Variants in PTK2B observed in about 807,000 individuals in gnomAD.
PTK2B encodes protein-tyrosine kinase 2-beta.
PTK2B carries 71 observed loss-of-function variants against 142.9 expected under a neutral mutation model. The ratio of observed to expected loss-of-function variants is 0.50; its 90% CI spans 0.41 to 0.61. PTK2B has a LOEUF of 0.61. PTK2B is among the 20% of genes least tolerant of loss of function. PTK2B has a pLI of 0.00. For missense variants in PTK2B, 1,105 were observed against 1,320.4 expected, an observed-to-expected ratio of 0.84 and a Z score of 2.53; for synonymous variants, 519 against 503.4, an observed-to-expected ratio of 1.03 and a Z score of -0.42.
At chr8:27,454,115 C>T in intron 28 of PTK2B, 39 bp from the exon 29 acceptor site, 1 of 1,612,670 alleles carries the variant, frequency 6.2e-7, no homozygotes, top group Non-Finnish European at 8.5e-7. Flanking sequence ...GTGCCCCTGG[C>T]TCTCCCCAAC....
chr8:27,316,291 T>C (rs1803092519), intron 3 of PTK2B, among the ~76,000 whole-genome samples: 1 of 148,094 alleles, frequency 6.8e-6, no homozygotes, highest in Non-Finnish European at 1.5e-5. Context: ...GGAAATTGCC[T>C]TGTTTTTTTT....
rs115088560 is a variant in PTK2B at position 27,400,878 on chromosome 8, G to A, written c.204+3090G>A. 1.7e-3 allele frequency among the ~76,000 whole-genome samples: 255 copies of A among 152,316 alleles called. 1 individual carries two copies. Among genetic ancestry groups the A allele is most frequent in the African/African-American group, 5.8e-3 (242 of 41,566 alleles). On this transcript the variant is annotated intron_variant, in intron 2 of 30. Transcript: ENST00000346049. ...TATGCAATGGATGCCATGCAAATGG[G>A]TAGGCTTACCCACAAGGAATGAGTA...
At chr8:27,417,608 TAAA>T (rs973356482) in intron 2 of PTK2B, among the ~76,000 whole-genome samples, 1 of 152,064 alleles carries the variant, frequency 6.6e-6, no homozygotes, top group Non-Finnish European at 1.5e-5. Flanking sequence ...AGAAGAACTG[TAAA>T]AAAATAATAG....
chr8:27,320,352 G>A (rs1803184166), intron 3 of PTK2B, among the ~76,000 whole-genome samples: 1 of 152,094 alleles, frequency 6.6e-6, no homozygotes, highest in Non-Finnish European at 1.5e-5. Flanking sequence ...GCTCAATTCA[G>A]ACACTATCTA....
At chr8:27,457,996 AAAG>A (rs199931428) in intron 30 of PTK2B, among the ~76,000 whole-genome samples, 4,585 of 145,354 alleles carry the variant, frequency 0.032, 189 homozygotes, top group African/African-American at 0.08. Context: ...AAAAAAAAAA[AAAG>A]ATCAGATTCG....
chr8:27,320,095 G>C (rs1193349961), intron 3 of PTK2B, among the ~76,000 whole-genome samples: 1 of 152,110 alleles, frequency 6.6e-6, no homozygotes, highest in Non-Finnish European at 1.5e-5. Flanking sequence ...TTGTAGTGGG[G>C]AGGAGTCTGG....
At chr8:27,453,348 A>G (rs2132503754) in intron 28 of PTK2B, among the ~76,000 whole-genome samples, 188 bp downstream of exon 28, 1 of 152,312 alleles carries the variant, frequency 6.6e-6, no homozygotes, top group South Asian at 2.1e-4. Context: ...CTAATTCATG[A>G]AAAAGCAAGA....
At position 27,420,759 on chromosome 8, in the gene PTK2B, A is replaced by T; in HGVS notation, c.471+15A>T. 1 of 1,594,984 alleles carries T rather than the reference A, an allele frequency of 6.3e-7. No individual in the cohort carries two copies. Among genetic ancestry groups the T allele is most frequent in the Non-Finnish European group, 8.6e-7 (1 of 1,163,126 alleles). Reference sequence around the variant, plus strand: ...TTTACCAACAGGTAAAAAGTACTTTATCTTCTTGCCCCGAGGCTCCCATTA... The same window carrying T: ...TTTACCAACAGGTAAAAAGTACTTTTTCTTCTTGCCCCGAGGCTCCCATTA... On this transcript the variant is annotated intron_variant, in intron 4 of 30. Coordinates refer to ENST00000346049, the MANE Select transcript of PTK2B (RefSeq NM_173176.3).
At chr8:27,427,120 T>G (rs1810131740) in intron 5 of PTK2B, among the ~76,000 whole-genome samples, 1 of 152,148 alleles carries the variant, frequency 6.6e-6, no homozygotes, top group Non-Finnish European at 1.5e-5. Flanking sequence ...TCATTTCCCT[T>G]TTCAGCGTAG....
At chr8:27,457,624 T>C (rs1812213792) in intron 30 of PTK2B, among the ~76,000 whole-genome samples, 1 of 152,212 alleles carries the variant, frequency 6.6e-6, no homozygotes, top group South Asian at 2.1e-4. Flanking sequence ...CAAAATATCA[T>C]TAACCATTTG....
At chr8:27,433,025 C>T (rs1563283004) in intron 10 of PTK2B, among the ~76,000 whole-genome samples, 1 of 152,180 alleles carries the variant, frequency 6.6e-6, no homozygotes, top group South Asian at 2.1e-4. Flanking sequence ...CAGGGTTTCA[C>T]CATGTTGGCC....
chr8:27,327,305 G>T (rs1056269269), intron 1 of PTK2B, among the ~76,000 whole-genome samples: 2 of 152,188 alleles, frequency 1.3e-5, no homozygotes, highest in Admixed American at 1.3e-4. Flanking sequence ...AGCAACACTT[G>T]GGACCTGGAG....
At chr8:27,330,171 A>G (rs958959033) in intron 1 of PTK2B, among the ~76,000 whole-genome samples, 6 of 152,182 alleles carry the variant, frequency 3.9e-5, no homozygotes, top group African/African-American at 1.4e-4. Context: ...ATAGCATCTT[A>G]TGCACCCACT....
At chr8:27,317,202 C>T (rs567302000) in intron 3 of PTK2B, among the ~76,000 whole-genome samples, 1 of 152,316 alleles carries the variant, frequency 6.6e-6, no homozygotes, top group Non-Finnish European at 1.5e-5. Context: ...TACTCCCTTG[C>T]ATCTTATTGG....
chr8:27,385,482 T>C (rs75017637), intron 1 of PTK2B, among the ~76,000 whole-genome samples: 1 of 152,322 alleles, frequency 6.6e-6, no homozygotes, highest in East Asian at 1.9e-4. Flanking sequence ...CCAAGCCTGA[T>C]TTTGGATAGG....
Position 27,348,678 on chromosome 8 carries a change from T to C in PTK2B, c.-38+22997T>C, listed in dbSNP as rs560435838. Among the ~76,000 whole-genome samples, 6 of 152,156 alleles carry C rather than the reference T, an allele frequency of 3.9e-5. No homozygotes were observed. The South Asian group carries it at 1.2e-3, about 32-fold the overall frequency. On this transcript the variant is annotated intron_variant, in intron 1 of 30. Transcript: ENST00000346049. ...TGGCTCATCATCCGGGGGCCCAAAT[T>C]GGTTGTTGCTTGGCTTCTACTTGGC...
chr8:27,331,122 G>A (rs957337016), intron 1 of PTK2B, among the ~76,000 whole-genome samples: 1 of 152,158 alleles, frequency 6.6e-6, no homozygotes. Flanking sequence ...AATCCACCTC[G>A]CCCAGGGTTT....
At chr8:27,390,146 G>A (rs1292401297) in intron 1 of PTK2B, among the ~76,000 whole-genome samples, 6 of 152,142 alleles carry the variant, frequency 3.9e-5, no homozygotes, top group Non-Finnish European at 8.8e-5. Flanking sequence ...GGCGCCTGTG[G>A]TGCTTTCGAG....
chr8:27,360,848 T>G (rs751675338), intron 1 of PTK2B, among the ~76,000 whole-genome samples: 6 of 152,200 alleles, frequency 3.9e-5, no homozygotes, highest in Non-Finnish European at 8.8e-5. Flanking sequence ...TTCTTCTCCT[T>G]CCAGATGACA....
Sources: gnomAD v4.1 joint callset for allele counts (sites outside exome capture counted in the v4.1 genomes callset) on GRCh38, gnomAD v4.1.1 for gene constraint, MANE v1.5 for transcripts, NCBI Gene and HGNC (gene_info 2026-07-23, HGNC 2026-07-21) for gene names.